The following KCNH1 variants were observed in gnomAD, a reference collection of about 807,000 sequenced individuals.
The protein encoded by KCNH1 is voltage-gated delayed rectifier potassium channel KCNH1.
KCNH1 carries 27 observed loss-of-function variants against 69.2 expected under a neutral mutation model. That is an observed-to-expected ratio of 0.39 (90% CI 0.29 to 0.54). KCNH1 has a LOEUF of 0.54. KCNH1 is among the 20% of genes least tolerant of loss of function. The pLI is 0.68. For missense variants in KCNH1, 798 were observed against 1,261.6 expected (o/e 0.63, Z 5.57); for synonymous variants, 456 against 487.7 (o/e 0.93, Z 0.86).
chr1:210,815,949 T>G (rs1174020874), intron 7 of KCNH1, among the ~76,000 whole-genome samples: 3 of 152,168 alleles, frequency 2.0e-5, no homozygotes, highest in African/African-American at 7.2e-5. Context: ...AAAAGCAAAG[T>G]GGTATATTTA....
chr1:210,827,811 C>T (rs1355713705), intron 7 of KCNH1, among the ~76,000 whole-genome samples: 1 of 152,046 alleles, frequency 6.6e-6, no homozygotes, highest in Non-Finnish European at 1.5e-5. Context: ...GGCAAAATTG[C>T]CCTTCTGTGC....
chr1:211,048,867 A>G (rs1354205213), intron 5 of KCNH1, among the ~76,000 whole-genome samples: 1 of 152,206 alleles, frequency 6.6e-6, no homozygotes, highest in Non-Finnish European at 1.5e-5. Context: ...TTTTGTGCAA[A>G]TAAAGAAAAA....
intron 7 of KCNH1, among the ~76,000 whole-genome samples, chr1:210,847,941 G>A (rs1396871135): frequency 6.6e-6 from 1 of 152,122 alleles, no homozygotes; most frequent in Non-Finnish European, 1.5e-5. Context: ...GTGGAAGACT[G>A]AAAGGGTGGG....
In KCNH1 at chr1:211,090,432, T is replaced by C. The variant is rs1416907204; in HGVS notation, c.439+130A>G. On this transcript the variant is annotated intron_variant, in intron 4 of 10. Coordinates refer to ENST00000271751, the MANE Select transcript of KCNH1 (RefSeq NM_172362.3). The stretch of plus-strand genomic sequence containing the variant: ...TCCAGAATAACACAGTGCTTTGCTC[T>C]ATACAAATTAAAGTTAGAATCTTGA... 7.9e-6 allele frequency: 6 copies of C among 757,778 alleles called. No individual in the cohort carries two copies. In the East Asian group the frequency reaches 8.3e-5, roughly 11 times the overall value. 46.9% of individuals were successfully genotyped at this position (757,778 alleles called of 1,614,324 possible).
At chr1:210,837,038 G>A (rs1271738050) in intron 7 of KCNH1, among the ~76,000 whole-genome samples, 3 of 152,136 alleles carry the variant, frequency 2.0e-5, no homozygotes, top group Non-Finnish European at 4.4e-5. Context: ...CATGACTTAC[G>A]ATGTTCTTCA....
chr1:210,719,365 T>C (rs953587298), intron 10 of KCNH1, among the ~76,000 whole-genome samples: 2 of 152,060 alleles, frequency 1.3e-5, no homozygotes, highest in African/African-American at 2.4e-5. Flanking sequence ...AACTGAATCA[T>C]AGAAAAATAA....
intron 7 of KCNH1, among the ~76,000 whole-genome samples, chr1:210,822,816 C>T (rs894204014): frequency 6.6e-6 from 1 of 152,168 alleles, no homozygotes; most frequent in African/African-American, 2.4e-5. Context: ...CAAGGTTCTC[C>T]TCTGGGCTCC....
chr1:211,054,875 G>T (rs369239837), intron 5 of KCNH1, among the ~76,000 whole-genome samples: 4 of 151,746 alleles, frequency 2.6e-5, no homozygotes, highest in African/African-American at 9.7e-5. Flanking sequence ...AGAAAGGAAG[G>T]GATGGTGGAA....
At chr1:210,798,416 G>A (rs1289036270) in intron 8 of KCNH1, among the ~76,000 whole-genome samples, 3 of 152,182 alleles carry the variant, frequency 2.0e-5, no homozygotes, top group Admixed American at 2.0e-4. Flanking sequence ...CAGCAAGATA[G>A]TAAACACAAA....
chr1:210,724,454 C>T (rs1055247268), intron 10 of KCNH1, among the ~76,000 whole-genome samples: 4 of 151,998 alleles, frequency 2.6e-5, no homozygotes, highest in African/African-American at 9.7e-5. Flanking sequence ...TATTATCAGT[C>T]AAAAAGGAAC....
chr1:210,782,049 A>T (rs1683997276), intron 9 of KCNH1, among the ~76,000 whole-genome samples: 1 of 152,096 alleles, frequency 6.6e-6, no homozygotes, highest in African/African-American at 2.4e-5. Context: ...ATCCTTCAAA[A>T]TATGCCCAAA....
At chr1:211,057,477 A>G (rs886162317) in intron 5 of KCNH1, among the ~76,000 whole-genome samples, 1 of 151,912 alleles carries the variant, frequency 6.6e-6, no homozygotes, top group Admixed American at 6.6e-5. Context: ...TCTACAAAAA[A>G]AAATTTTTTT....
At chr1:211,059,671 A>C (rs1485374620) in intron 5 of KCNH1, among the ~76,000 whole-genome samples, 1 of 151,852 alleles carries the variant, frequency 6.6e-6, no homozygotes, top group African/African-American at 2.4e-5. Context: ...TGAACCCGGG[A>C]GGTGGAGCTT....
At chr1:210,877,316 G>A (rs977946816) in intron 7 of KCNH1, among the ~76,000 whole-genome samples, 8 of 152,128 alleles carry the variant, frequency 5.3e-5, no homozygotes, top group African/African-American at 1.2e-4. Flanking sequence ...ACTGACTGCC[G>A]TCTCACAGAA....
At chr1:210,708,941 G>GA (rs1373784623) in intron 10 of KCNH1, among the ~76,000 whole-genome samples, 1 of 152,126 alleles carries the variant, frequency 6.6e-6, no homozygotes, top group Non-Finnish European at 1.5e-5. Context: ...TCCTTAATCC[G>GA]AAATGACAGC....
chr1:211,054,435 G>T (rs1024002355), intron 5 of KCNH1, among the ~76,000 whole-genome samples: 2 of 152,110 alleles, frequency 1.3e-5, no homozygotes, highest in African/African-American at 4.8e-5. Flanking sequence ...CAGACTCTAT[G>T]AAAGAGCTAC....
At chr1:211,086,220 T>A (rs1322423756) in intron 4 of KCNH1, among the ~76,000 whole-genome samples, 2 of 152,192 alleles carry the variant, frequency 1.3e-5, no homozygotes, top group South Asian at 2.1e-4. Flanking sequence ...CCTACTTCTG[T>A]CTGGGTTTCC....
chr1:211,086,919 C>A (rs1267252547), intron 4 of KCNH1, among the ~76,000 whole-genome samples: 1 of 152,126 alleles, frequency 6.6e-6, no homozygotes, highest in African/African-American at 2.4e-5. Flanking sequence ...CAGTGCAGAC[C>A]ACTGCCTAAG....
chr1:210,733,048 G>T (rs1682782610), intron 10 of KCNH1, among the ~76,000 whole-genome samples: 1 of 152,196 alleles, frequency 6.6e-6, no homozygotes, highest in Non-Finnish European at 1.5e-5. Context: ...AGAGTTAAAA[G>T]AAACAGACCC....
Sources: gnomAD v4.1 joint callset for allele counts (sites outside exome capture counted in the v4.1 genomes callset) on GRCh38, gnomAD v4.1.1 for gene constraint, MANE v1.5 for transcripts, NCBI Gene and HGNC (gene_info 2026-07-23, HGNC 2026-07-21) for gene names.